Variants in TAF3 observed in about 807,000 individuals in gnomAD.
The protein encoded by TAF3 is transcription initiation factor TFIID subunit 3.
Under a neutral mutation model 80.6 loss-of-function variants are expected in TAF3, and 7 were observed. The observed-to-expected ratio is 0.09, with a 90% CI of 0.05 to 0.16. TAF3 has a LOEUF of 0.16. Among genes scored for constraint, TAF3 ranks in the 10% least tolerant of loss-of-function variants. TAF3 has a pLI of 1.00. For synonymous variants in TAF3, 444 were observed against 446.1 expected (o/e 1.00, Z 0.06); for missense variants, 921 against 1,140.2 (o/e 0.81, Z 2.77).
In TAF3 at chr10:7,942,950, A is replaced by T. The variant is rs529724776; in HGVS notation, c.410-20970A>T. 3.3e-5 allele frequency among the ~76,000 whole-genome samples: 5 copies of T among 152,280 alleles called. No individual in the cohort carries two copies. In the South Asian group the frequency reaches 1.0e-3, roughly 32 times the overall value. ...TGCAGGTCTTCTGCTCTTAACAGGA[A>T]TTTGACCTTCGTCACAGCCCTGACT... On this transcript the variant is annotated intron_variant, in intron 2 of 6. Transcript: ENST00000344293.
intron 6 of TAF3, 59 bp from the exon 7 acceptor site, chr10:8,014,574 TGGAA>T: frequency 7.1e-7 from 1 of 1,399,886 alleles, no homozygotes; most frequent in Non-Finnish European, 9.7e-7. Flanking sequence ...CTTTAAAACA[TGGAA>T]GGGAGAAGAA....
At chr10:7,865,395 T>C (rs971880540) in intron 2 of TAF3, among the ~76,000 whole-genome samples, 36 of 151,930 alleles carry the variant, frequency 2.4e-4, no homozygotes, top group South Asian at 6.2e-4. Context: ...AGGAGAATGG[T>C]GTGAACCCGG....
intron 4 of TAF3, among the ~76,000 whole-genome samples, chr10:8,005,932 G>A (rs977134942): frequency 7.2e-5 from 11 of 152,194 alleles, no homozygotes; most frequent in Non-Finnish European, 1.5e-4. Context: ...GCCCTGCCAT[G>A]TAGTAGTAAC....
intron 2 of TAF3, among the ~76,000 whole-genome samples, chr10:7,837,069 A>T (rs1564344058): frequency 6.6e-6 from 1 of 152,198 alleles, no homozygotes; most frequent in Non-Finnish European, 1.5e-5. Context: ...TCTATAAAAA[A>T]TTTAAAAATC....
intron 2 of TAF3, among the ~76,000 whole-genome samples, chr10:7,909,417 G>A (rs1837636692): frequency 6.6e-6 from 1 of 152,204 alleles, no homozygotes; most frequent in African/African-American, 2.4e-5. Context: ...CCTCAGAACA[G>A]CACTTCTGCC....
chr10:7,878,690 AATGT>A (rs58593612), intron 2 of TAF3, among the ~76,000 whole-genome samples: 38,236 of 146,602 alleles, frequency 0.26, 5,275 homozygotes, highest in African/African-American at 0.32. Flanking sequence ...TAATTCAACC[AATGT>A]ATGTATGTAT....
At chr10:7,858,308 C>G (rs1190217694) in intron 2 of TAF3, among the ~76,000 whole-genome samples, 1 of 152,120 alleles carries the variant, frequency 6.6e-6, no homozygotes, top group African/African-American at 2.4e-5. Flanking sequence ...CAAGCAATTG[C>G]CAGTAATATT....
intron 4 of TAF3, among the ~76,000 whole-genome samples, chr10:7,999,124 G>A (rs1831918507): frequency 6.6e-6 from 1 of 152,024 alleles, no homozygotes; most frequent in African/African-American, 2.4e-5. Flanking sequence ...AAAGAACAGA[G>A]GAAATGGTCT....
chr10:7,889,636 G>A (rs925126723), intron 2 of TAF3, among the ~76,000 whole-genome samples: 1 of 152,274 alleles, frequency 6.6e-6, no homozygotes, highest in East Asian at 1.9e-4. Flanking sequence ...CTCATATTCA[G>A]TGGCTTACTG....
At chr10:7,885,275 C>CAA (rs1837399528) in intron 2 of TAF3, among the ~76,000 whole-genome samples, 1 of 150,708 alleles carries the variant, frequency 6.6e-6, no homozygotes, top group South Asian at 2.1e-4. Flanking sequence ...CACACACACC[C>CAA]CCACACACAC....
intron 4 of TAF3, among the ~76,000 whole-genome samples, chr10:7,982,318 G>A (rs1173713884): frequency 1.3e-5 from 2 of 152,162 alleles, no homozygotes; most frequent in African/African-American, 4.8e-5. Context: ...AGAAGCAAAT[G>A]ATTGTAGGTC....
chr10:7,908,595 G>A (rs2986977), intron 2 of TAF3, among the ~76,000 whole-genome samples: 43,516 of 151,914 alleles, frequency 0.29, 6,472 homozygotes, highest in African/African-American at 0.37. Flanking sequence ...CTGGGTTACC[G>A]AGCGCTTCTG....
chr10:7,885,881 T>A (rs928126124), intron 2 of TAF3, among the ~76,000 whole-genome samples: 9 of 152,186 alleles, frequency 5.9e-5, no homozygotes, highest in Non-Finnish European at 1.0e-4. Context: ...TTTTAGGGTT[T>A]TAAGTTTGGA....
intron 2 of TAF3, among the ~76,000 whole-genome samples, chr10:7,935,112 A>G (rs1031467877): frequency 3.3e-5 from 5 of 152,118 alleles, no homozygotes; most frequent in Non-Finnish European, 7.4e-5. Context: ...CCGCATTTCT[A>G]TTAAAAATAC....
intron 2 of TAF3, among the ~76,000 whole-genome samples, chr10:7,932,867 C>T (rs571174158): frequency 4.6e-5 from 7 of 151,686 alleles, no homozygotes; most frequent in East Asian, 1.9e-4. Flanking sequence ...TTTGTGTGGA[C>T]GGGGATCTCA....
chr10:7,964,061 C>T lies in TAF3; in HGVS notation c.551C>T (p.Pro184Leu). Reference protein sequence around the residue: ...NFLGKRPLDSPEAEELPAMKR... With the variant: ...NFLGKRPLDSLEAEELPAMKR... Reference sequence around the variant, plus strand: ...CTGGGCAAGAGACCACTGGATAGTCCTGAAGCTGAAGAACTGCCAGCCATG... The same window carrying T: ...CTGGGCAAGAGACCACTGGATAGTCTTGAAGCTGAAGAACTGCCAGCCATG... The change falls in exon 3 of 7, where the codon CCT (proline) becomes CTT (leucine). Residue 184 changes from proline (P) to leucine (L), a missense_variant. This residue lies in a region of TAF3 where 743 missense variants were observed against 821.0 expected (regional missense o/e 0.90). Coordinates refer to ENST00000344293, the MANE Select transcript of TAF3 (RefSeq NM_031923.4). This position sits in a 1 kb window ranked among gnomAD's most constrained non-coding sequence, Gnocchi z 4.1. The T allele has an allele frequency of 6.2e-7, 1 of 1,614,024 alleles. No homozygotes were observed. The highest frequency in any genetic ancestry group is 8.5e-7 in the Non-Finnish European group (1 of 1,180,022).
intron 4 of TAF3, among the ~76,000 whole-genome samples, chr10:7,978,063 C>T (rs1831690948): frequency 6.6e-6 from 1 of 152,014 alleles, no homozygotes; most frequent in South Asian, 2.1e-4. Flanking sequence ...AATCATTCCC[C>T]TTGTTCTAAA....
At chr10:8,000,889 T>A (rs532058129) in intron 4 of TAF3, among the ~76,000 whole-genome samples, 1 of 152,338 alleles carries the variant, frequency 6.6e-6, no homozygotes, top group East Asian at 1.9e-4. Context: ...TCATACCTTC[T>A]TGTTTGCTTT....
chr10:8,005,497 G>T (rs1195424324), intron 4 of TAF3, among the ~76,000 whole-genome samples: 1 of 152,218 alleles, frequency 6.6e-6, no homozygotes, highest in Non-Finnish European at 1.5e-5. Flanking sequence ...AGCCCATTGG[G>T]AATCCTTAGT....
Sources: allele counts gnomAD v4.1 joint callset (sites outside exome capture counted in the v4.1 genomes callset), GRCh38; gene constraint gnomAD v4.1.1; regional missense constraint gnomAD v4.1.1; non-coding constraint Gnocchi (gnomAD v3.1); transcripts MANE v1.5; gene names NCBI Gene and HGNC (gene_info 2026-07-23, HGNC 2026-07-21).